Variants in ASPRV1 observed in about 807,000 individuals in gnomAD.
The protein encoded by ASPRV1 is aspartic peptidase retroviral like 1.
A neutral mutation model predicts 11.0 loss-of-function variants in ASPRV1; 7 were observed. The ratio of observed to expected loss-of-function variants is 0.64; its 90% confidence interval spans 0.36 to 1.20. The LOEUF (loss-of-function observed/expected upper bound fraction) is 1.20. ASPRV1 is among the 50% of genes most tolerant of loss of function. The pLI is 0.02. For synonymous variants in ASPRV1, 136 were observed against 138.4 expected (o/e 0.98, Z 0.12); for missense variants, 299 against 320.0 (o/e 0.93, Z 0.50).
At chr2:70,053,379 C>T in the ASPRV1 span, among the ~76,000 whole-genome samples, 1 of 152,062 alleles carries the variant, frequency 6.6e-6, no homozygotes, top group Non-Finnish European at 1.5e-5. Context: ...GGTATAGGCA[C>T]ATGAGTGGAG....
the ASPRV1 span, chr2:69,975,696 C>T: frequency 1.3e-5 from 2 of 152,428 alleles, no homozygotes; most frequent in Admixed American, 1.3e-4. Flanking sequence ...CTCACAGTGC[C>T]CAGCACGCAG....
upstream of ASPRV1, among the ~76,000 whole-genome samples, chr2:69,965,793 G>A (rs1157157260): frequency 1.3e-5 from 2 of 152,152 alleles, no homozygotes; most frequent in Non-Finnish European, 2.9e-5. Flanking sequence ...GACCTTGACT[G>A]GACCCCCATC....
chr2:69,982,036 T>C, the ASPRV1 span, among the ~76,000 whole-genome samples: 3 of 149,024 alleles, frequency 2.0e-5, no homozygotes, highest in African/African-American at 7.5e-5. Flanking sequence ...CCCTCTCATC[T>C]ATCCATCCAT....
upstream of ASPRV1, chr2:69,963,412 G>A (rs774921174): frequency 3.5e-5 from 16 of 456,748 alleles, no homozygotes; most frequent in South Asian, 2.5e-4. Flanking sequence ...CTTCCCAGCT[G>A]CTGGGATGAG....
At chr2:70,048,331 C>T in the ASPRV1 span, among the ~76,000 whole-genome samples, 3 of 151,042 alleles carry the variant, frequency 2.0e-5, no homozygotes, top group Admixed American at 6.6e-5. Context: ...AGGAGAATGG[C>T]GTGAACCCAG....
chr2:69,951,991 C>T, the ASPRV1 span, among the ~76,000 whole-genome samples: 2 of 152,222 alleles, frequency 1.3e-5, no homozygotes, highest in Non-Finnish European at 2.9e-5. Context: ...TTTTCACCCA[C>T]TTGCCTTGCT....
the ASPRV1 span, among the ~76,000 whole-genome samples, chr2:69,999,560 GCAGGATAATCACTTGAACA>G: frequency 0.012 from 1,871 of 150,534 alleles, 40 homozygotes; most frequent in African/African-American, 0.044. Flanking sequence ...GCAGGCTAAG[GCAGGATAATCACTTGAACA>G]CAGGAGGCAG....
chr2:69,946,635 A>G, the ASPRV1 span, among the ~76,000 whole-genome samples: 3 of 152,230 alleles, frequency 2.0e-5, no homozygotes, highest in Admixed American at 6.5e-5. Context: ...ACAAAATTCC[A>G]ACACTCAGAG....
At chr2:70,016,337 G>GA in the ASPRV1 span, 1 of 152,042 alleles carries the variant, frequency 6.6e-6, no homozygotes, top group African/African-American at 2.4e-5. Context: ...TACAAGAAAA[G>GA]AAAATTATAG....
chr2:69,974,135 C>T, the ASPRV1 span, among the ~76,000 whole-genome samples: 2 of 151,976 alleles, frequency 1.3e-5, no homozygotes, highest in African/African-American at 4.8e-5. Context: ...GTCAGGAGTT[C>T]GAGACCAGCC....
At chr2:70,063,171 A>T in the ASPRV1 span, among the ~76,000 whole-genome samples, 30 of 152,308 alleles carry the variant, frequency 2.0e-4, no homozygotes, top group African/African-American at 7.0e-4. Flanking sequence ...ATACAAAAAC[A>T]TTCAGAACAC....
the ASPRV1 span, among the ~76,000 whole-genome samples, chr2:70,047,927 G>A: frequency 6.7e-6 from 1 of 149,426 alleles, no homozygotes; most frequent in African/African-American, 2.5e-5. Flanking sequence ...TGGCCAACAT[G>A]GTGAAATGCC....
the ASPRV1 span, chr2:70,050,080 G>C: frequency 2.6e-5 from 4 of 152,106 alleles, no homozygotes; most frequent in African/African-American, 9.7e-5. Flanking sequence ...TCAGGAGTTC[G>C]AGACCAGCCT....
chr2:69,938,489 A>T, the ASPRV1 span: 1 of 564,588 alleles, frequency 1.8e-6, no homozygotes, highest in East Asian at 3.1e-5. Context: ...CTCGCCATAA[A>T]AATTTGTCTC....
At chr2:69,944,569 G>A in the ASPRV1 span, among the ~76,000 whole-genome samples, 2 of 152,202 alleles carry the variant, frequency 1.3e-5, no homozygotes, top group Admixed American at 1.3e-4. Flanking sequence ...CCGGGCTGCT[G>A]AGCCCCACAC....
At chr2:69,998,156 T>C in the ASPRV1 span, 1 of 149,648 alleles carries the variant, frequency 6.7e-6, no homozygotes, top group Non-Finnish European at 1.5e-5. Flanking sequence ...AAAAAAGCAG[T>C]GTGGGGACAC....
chr2:69,960,579 C>T lies in ASPRV1; in HGVS notation c.*78G>A, dbSNP rs1678050371. 2.8e-6 allele frequency: 4 copies of T among 1,444,110 alleles called. No homozygotes were observed. The highest frequency in any genetic ancestry group is 4.0e-5 in the Admixed American group (2 of 50,488). The allele number at this position is 1,444,110 out of a possible 1,614,324, so 89.5% of individuals were successfully genotyped here. ...AGCAGACTGGCCAAGCCCAGTGACC[C>T]CCATGAGGATATGCAACCCCCCCCA... is the stretch of plus-strand genomic sequence containing the variant. On this transcript the variant is annotated 3_prime_UTR_variant, in exon 1 of 1. Coordinates refer to ENST00000320256, the MANE Select transcript of ASPRV1 (RefSeq NM_152792.4).
the ASPRV1 span, among the ~76,000 whole-genome samples, chr2:69,978,355 G>A: frequency 6.6e-6 from 1 of 152,208 alleles, no homozygotes; most frequent in South Asian, 2.1e-4. Context: ...CCCCATAGAG[G>A]GGACACAACC....
chr2:70,003,928 G>A, the ASPRV1 span, among the ~76,000 whole-genome samples: 3 of 152,072 alleles, frequency 2.0e-5, no homozygotes, highest in Non-Finnish European at 4.4e-5. Flanking sequence ...ATGGGCTGAC[G>A]CAGCAAAGCC....
Sources: allele counts gnomAD v4.1 joint callset (sites outside exome capture counted in the v4.1 genomes callset), GRCh38; gene constraint gnomAD v4.1.1; transcripts MANE v1.5; gene names NCBI Gene and HGNC (gene_info 2026-07-23, HGNC 2026-07-21).